The following MTMR3 variants were observed in gnomAD, a reference collection of about 807,000 sequenced individuals.
The protein encoded by MTMR3 is myotubularin related protein 3.
A neutral mutation model predicts 132.4 loss-of-function variants in MTMR3; 32 were observed. The observed-to-expected ratio is 0.24, with a 90% CI of 0.18 to 0.32. MTMR3 has a LOEUF of 0.32. MTMR3 is among the 10% of genes least tolerant of loss of function. The probability of loss-of-function intolerance (pLI) is 1.00; values close to 1 mark genes in which losing one functional copy is unlikely to be tolerated. For synonymous variants in MTMR3, 556 were observed against 550.3 expected, an observed-to-expected ratio of 1.01 and a Z score of -0.14; for missense variants, 1,216 against 1,489.6, an observed-to-expected ratio of 0.82 and a Z score of 3.02.
intron 1 of MTMR3, among the ~76,000 whole-genome samples, chr22:29,945,113 A>G (rs991266406): frequency 6.6e-6 from 1 of 152,018 alleles, no homozygotes; most frequent in African/African-American, 2.4e-5. Context: ...CCTGGACTCG[A>G]GTGATTCTCT....
chr22:29,940,285 T>G (rs1224870111), intron 1 of MTMR3, among the ~76,000 whole-genome samples: 2 of 152,048 alleles, frequency 1.3e-5, no homozygotes, highest in South Asian at 2.1e-4. Flanking sequence ...AAAAAAATAC[T>G]TTGTAATATT....
chr22:29,945,540 A>T (rs1569017749), intron 1 of MTMR3, among the ~76,000 whole-genome samples: 1 of 149,006 alleles, frequency 6.7e-6, no homozygotes, highest in Non-Finnish European at 1.5e-5. Context: ...TCTATAAAAA[A>T]TTAAAAAAAA....
intron 17 of MTMR3, 154 bp downstream of exon 17, chr22:30,021,038 T>C (rs1172406806): frequency 1.1e-5 from 8 of 751,212 alleles, no homozygotes; most frequent in African/African-American, 1.8e-5. Flanking sequence ...GAGATGAGCC[T>C]CCACGACAGC....
At chr22:29,883,771 T>G (rs1602395419) in intron 1 of MTMR3, among the ~76,000 whole-genome samples, 1 of 152,038 alleles carries the variant, frequency 6.6e-6, no homozygotes, top group Non-Finnish European at 1.5e-5. Flanking sequence ...TCTGTGGCGG[T>G]CCATCGTTGC....
chr22:29,956,142 C>G (rs1003674066), intron 1 of MTMR3, among the ~76,000 whole-genome samples: 1 of 152,134 alleles, frequency 6.6e-6, no homozygotes, highest in Non-Finnish European at 1.5e-5. Flanking sequence ...ATGGATGAGT[C>G]GTGTTTGCAC....
intron 2 of MTMR3, among the ~76,000 whole-genome samples, chr22:29,968,131 A>T (rs1471886754): frequency 6.6e-6 from 1 of 152,170 alleles, no homozygotes; most frequent in Non-Finnish European, 1.5e-5. Context: ...GATGGGACAT[A>T]TGATGACTCT....
chr22:29,956,448 TGTTCA>T (rs923801411), intron 1 of MTMR3, among the ~76,000 whole-genome samples: 42 of 152,246 alleles, frequency 2.8e-4, no homozygotes, highest in African/African-American at 9.6e-4. Flanking sequence ...GGTTTTGCCA[TGTTCA>T]CCAGGCTGGT....
chr22:30,011,354 G>A (rs2067417187), intron 12 of MTMR3: 1 of 152,178 alleles, frequency 6.6e-6, no homozygotes, highest in Non-Finnish European at 1.5e-5. Flanking sequence ...CCAAGGGGCA[G>A]CTACTGCTAT....
intron 1 of MTMR3, among the ~76,000 whole-genome samples, chr22:29,884,651 C>T (rs1417625230): frequency 6.6e-6 from 1 of 150,496 alleles, no homozygotes; most frequent in Non-Finnish European, 1.5e-5. Context: ...CAACCTCCGC[C>T]TGCCAGGTTC....
intron 1 of MTMR3, among the ~76,000 whole-genome samples, chr22:29,914,381 T>A (rs1252576766): frequency 6.6e-6 from 1 of 152,224 alleles, no homozygotes; most frequent in Non-Finnish European, 1.5e-5. Flanking sequence ...ATGTGCTTAT[T>A]TGCCATTTAT....
chr22:29,984,432 C>T (rs1415003773), intron 5 of MTMR3: 1 of 152,202 alleles, frequency 6.6e-6, no homozygotes, highest in Non-Finnish European at 1.5e-5. Context: ...ATAACCTGTG[C>T]ATGTCTGTAT....
At chr22:29,889,846 C>T (rs770578678) in intron 1 of MTMR3, among the ~76,000 whole-genome samples, 2 of 150,136 alleles carry the variant, frequency 1.3e-5, no homozygotes, top group Non-Finnish European at 1.5e-5. Flanking sequence ...GTGATGAACT[C>T]GTTTGGACAT....
chr22:30,016,057 C>A, intron 14 of MTMR3: 1 of 175,256 alleles, frequency 5.7e-6, no homozygotes, highest in Non-Finnish European at 1.2e-5. Context: ...CACTCTTCAG[C>A]TATGACTAGA....
chr22:29,955,902 C>T (rs2145841697), intron 1 of MTMR3, among the ~76,000 whole-genome samples: 1 of 152,156 alleles, frequency 6.6e-6, no homozygotes, highest in South Asian at 2.1e-4. Context: ...CAGGTGTGCC[C>T]CACCACACCC....
At chr22:29,969,998 G>GT (rs2066501502) in intron 2 of MTMR3, among the ~76,000 whole-genome samples, 1 of 152,140 alleles carries the variant, frequency 6.6e-6, no homozygotes, top group Non-Finnish European at 1.5e-5. Flanking sequence ...AATATCCTGT[G>GT]TTACAGAAGC....
intron 11 of MTMR3, 69 bp downstream of exon 11, chr22:30,008,101 T>A: frequency 6.4e-7 from 1 of 1,572,090 alleles, no homozygotes; most frequent in Admixed American, 1.8e-5. Context: ...AACTGAGACT[T>A]AGTTCCCAAT....
chr22:29,963,546 T>C (rs1447457712), intron 2 of MTMR3, among the ~76,000 whole-genome samples: 3 of 151,962 alleles, frequency 2.0e-5, no homozygotes, highest in Non-Finnish European at 4.4e-5. Context: ...TGCACTGCCA[T>C]GCCCAGCTAA....
At chr22:29,961,711 CAGTAATGTCCT>C (rs750660146) in intron 2 of MTMR3, among the ~76,000 whole-genome samples, 52 of 152,136 alleles carry the variant, frequency 3.4e-4, no homozygotes, top group Non-Finnish European at 6.0e-4. Context: ...TAGAAGTGTA[CAGTAATGTCCT>C]AGGCCTTCAC....
chr22:30,016,407 C>A (rs117525816), intron 14 of MTMR3, 121 bp from the exon 15 acceptor site: 3 of 1,166,402 alleles, frequency 2.6e-6, no homozygotes, highest in Non-Finnish European at 2.4e-6. Flanking sequence ...CTGGGTTCCC[C>A]GTCCTGACAG....
Sources: gnomAD v4.1 joint callset for allele counts (sites outside exome capture counted in the v4.1 genomes callset) on GRCh38, gnomAD v4.1.1 for gene constraint, MANE v1.5 for transcripts, NCBI Gene and HGNC (gene_info 2026-07-23, HGNC 2026-07-21) for gene names.